Variants in NOS3 observed in about 807,000 individuals in gnomAD.
The protein encoded by NOS3 is nitric oxide synthase 3.
NOS3 carries 98 observed loss-of-function variants against 144.9 expected under a neutral mutation model. That is an observed-to-expected ratio of 0.68 (90% CI 0.57 to 0.80). The LOEUF (loss-of-function observed/expected upper bound fraction) is 0.80. NOS3 is among the 30% of genes least tolerant of loss of function. NOS3 has a pLI of 0.00. For missense variants in NOS3, 1,465 were observed against 1,656.4 expected (o/e 0.88, Z 2.01); for synonymous variants, 714 against 702.4 (o/e 1.02, Z -0.26).
chr7:151,010,558 G>A, intron 21 of NOS3, 39 bp from the exon 22 acceptor site: 2 of 1,512,162 alleles, frequency 1.3e-6, no homozygotes. Flanking sequence ...ACTAGGAAGG[G>A]CTATGGGGCC....
In NOS3 at chr7:151,007,241, G is replaced by A. The variant is rs933891344; in HGVS notation, c.2077G>A (p.Glu693Lys). The change falls in exon 17 of 27, where the codon GAG becomes AAG. Residue 693 changes from glutamate to lysine, a missense_variant. This residue lies in a region of NOS3 where 745 missense variants were observed against 853.9 expected (regional missense o/e 0.87). Coordinates refer to ENST00000297494, the MANE Select transcript of NOS3 (RefSeq NM_000603.5). ...GGGCGACGAGCTGTGCGGCCAGGAG[G>A]AGGCCTTCCGAGGCTGGGCCCAGGC... is the stretch of plus-strand genomic sequence containing the variant. ...GQGDELCGQE[E>K]AFRGWAQAAF... is the part of the protein sequence containing the mutation. 5.6e-6 allele frequency: 9 copies of A among 1,605,364 alleles called. No individual in the cohort carries two copies. Among genetic ancestry groups the A allele is most frequent in the Admixed American group, 1.7e-5 (1 of 59,902 alleles).
chr7:150,993,151 G>A lies in NOS3; in HGVS notation c.-51-602G>A, dbSNP rs1290648854. On this transcript the variant is annotated intron_variant, in intron 1 of 26. Coordinates refer to ENST00000297494, the MANE Select transcript of NOS3 (RefSeq NM_000603.5). This position sits in a 1 kb window ranked among gnomAD's most constrained non-coding sequence, Gnocchi z 4.0. ...GGGGTGTGGGGGTTCCAGGAAATTG[G>A]GGCTGGGAGGGGAAGGGATACCCTA... Among the ~76,000 whole-genome samples, 4 of 152,176 alleles carry A rather than the reference G, an allele frequency of 2.6e-5. No homozygotes were observed. The South Asian group carries it at 6.2e-4, about 24-fold the overall frequency.
rs1379865389 is a variant in NOS3, at chr7:151,010,532, G to T, written c.2686-65G>T. 3.5e-6 allele frequency: 5 copies of T among 1,442,044 alleles called. No individual in the cohort carries two copies. In the Admixed American group the frequency reaches 6.7e-5, roughly 19 times the overall value. 89.3% of individuals were successfully genotyped at this position (1,442,044 alleles called of 1,614,324 possible). On this transcript the variant is annotated intron_variant, in intron 21 of 26. Coordinates refer to ENST00000297494, the MANE Select transcript of NOS3 (RefSeq NM_000603.5). ...CCTAAAGAGGCTCAGTGGGGGAGGG[G>T]TCAAGAAGGGAGGTTACTAGGAAGG... is the stretch of plus-strand genomic sequence containing the variant.
In NOS3 at chr7:150,996,772, C is replaced by T; in HGVS notation, c.429C>T (p.Ser143=). 1 of 1,612,060 alleles carries T rather than the reference C, an allele frequency of 6.2e-7. No homozygotes were observed. Among genetic ancestry groups the T allele is most frequent in the South Asian group, 1.1e-5 (1 of 90,964 alleles). The change falls in exon 5 of 27, where the codon TCC becomes TCT. Residue 143 remains serine (S), a synonymous_variant. Coordinates refer to ENST00000297494, the MANE Select transcript of NOS3 (RefSeq NM_000603.5). The stretch of plus-strand genomic sequence containing the variant: ...CCCCTCTCCTCCCCAGGAGCGGCTC[C>T]CAGGCCCACGAACAGCGGCTTCAAG... ...QYYSSIKRSG[S]QAHEQRLQEV...
intron 5 of NOS3, 29 bp downstream of exon 5, chr7:150,996,954 G>A (rs1363238526): frequency 8.4e-6 from 13 of 1,541,988 alleles, no homozygotes; most frequent in Admixed American, 2.0e-5. Flanking sequence ...TGAGAGACCC[G>A]GGCGCTACCA....
rs1397323639 is a variant in NOS3 at position 151,002,176 on chromosome 7, G to A, written c.1648-24G>A. On this transcript the variant is annotated intron_variant, in intron 13 of 26. Coordinates refer to ENST00000297494, the MANE Select transcript of NOS3 (RefSeq NM_000603.5). This position sits in a 1 kb window ranked among gnomAD's most constrained non-coding sequence, Gnocchi z 4.1. The stretch of plus-strand genomic sequence containing the variant: ...GGGCCTCCGGGGGCCACAGCACCCA[G>A]GACATCTGTCTTCCCACCCACAGGT... The A allele has an allele frequency of 3.3e-6, 5 of 1,536,392 alleles. No individual in the cohort carries two copies.
intron 18 of NOS3, 56 bp from the exon 19 acceptor site, chr7:151,009,133 G>A: frequency 1.2e-6 from 2 of 1,613,244 alleles, no homozygotes; most frequent in Non-Finnish European, 8.5e-7. Context: ...AAGCACTCTG[G>A]GGCCAGGCCC....
Position 151,006,512 on chromosome 7 carries a change from T to C in NOS3, c.1820+18T>C, listed in dbSNP as rs1563226531. ...CAGCACAAGTGAGTTGGGTGAGAGT[T>C]TGGGGGAGCTGGGGGAGCTGATGCA... On this transcript the variant is annotated intron_variant, in intron 15 of 26. Transcript: ENST00000297494. 8 of 1,605,186 alleles carry C rather than the reference T, an allele frequency of 5.0e-6. No homozygotes were observed. The highest frequency in any genetic ancestry group is 6.0e-6 in the Non-Finnish European group (7 of 1,173,810).
chr7:151,010,367 T>C (rs1795278690), intron 21 of NOS3, 80 bp downstream of exon 21: 2 of 1,365,056 alleles, frequency 1.5e-6, no homozygotes, highest in African/African-American at 2.9e-5. Context: ...GAAACCCCCA[T>C]GCAAAGTCCC....
At chr7:150,994,624 C>T (rs780751640) in intron 2 of NOS3, among the ~76,000 whole-genome samples, 17 of 152,146 alleles carry the variant, frequency 1.1e-4, no homozygotes, top group Admixed American at 3.3e-4. Flanking sequence ...GGTGCCAGGC[C>T]GGGGGCAGGC....
rs1253323134 is a variant in NOS3 at position 151,009,418 on chromosome 7, G to A, written c.2345G>A (p.Arg782His). ...SKSTRATILV[R>H]LDTGGQEGLQ... ...CCCAGGAGGGCCACCATCCTGGTGC[G>A]CCTGGACACCGGAGGCCAGGAGGGG... Residue 782 changes from arginine (R) to histidine (H), a missense_variant, in exon 20 of 27, where the codon CGC (arginine) becomes CAC (histidine). Arg to His is a conservative substitution (Grantham distance 29). This residue lies in a region of NOS3 where 745 missense variants were observed against 853.9 expected (regional missense o/e 0.87). Coordinates refer to ENST00000297494, the MANE Select transcript of NOS3 (RefSeq NM_000603.5). 3 of 1,539,964 alleles carry A rather than the reference G, an allele frequency of 1.9e-6. No individual in the cohort carries two copies. Among genetic ancestry groups the A allele is most frequent in the East Asian group, 2.5e-5 (1 of 40,572 alleles).
chr7:151,009,398 G>A lies in NOS3; in HGVS notation c.2325G>A (p.Thr775=), dbSNP rs1407856029. 2.7e-6 allele frequency: 4 copies of A among 1,501,202 alleles called. No homozygotes were observed. In the African/African-American group the frequency reaches 5.9e-5, roughly 22 times the overall value. The allele number at this position is 1,501,202 out of a possible 1,614,324, so 93.0% of individuals were successfully genotyped here. A position where few individuals can be genotyped will look rare whatever the true frequency, so the allele number is the denominator to read the frequency against. The part of the protein sequence containing the change: ...SVENLQSSKS[T]RATILVRLDT... ...TAAGTGCCCCTCTCCCCACCCCCAG[G>A]AGGGCCACCATCCTGGTGCGCCTGG... is the stretch of plus-strand genomic sequence containing the variant. The change falls in exon 20 of 27, where the codon ACG becomes ACA. Residue 775 remains threonine (T), a splice_region_variant and synonymous_variant. Coordinates refer to ENST00000297494, the MANE Select transcript of NOS3 (RefSeq NM_000603.5).
chr7:151,001,965 G>C lies in NOS3; in HGVS notation c.1647G>C (p.Arg549=), dbSNP rs558556558. The C allele has an allele frequency of 5.0e-6, 8 of 1,613,286 alleles. No homozygotes were observed. The highest frequency in any genetic ancestry group is 6.8e-6 in the Non-Finnish European group (8 of 1,180,018). ...GRLFRKAFDP[R]VLCMDEYDVV... is the part of the protein sequence containing the mutation. ...TCTTCCGGAAGGCTTTTGATCCCCG[G>C]GTAGGGCTGAGCCCAGGGGAGCAGG... Residue 549 remains arginine (R), a splice_region_variant and synonymous_variant, in exon 13 of 27, where the codon CGG becomes CGC. Coordinates refer to ENST00000297494, the MANE Select transcript of NOS3 (RefSeq NM_000603.5).
In NOS3 at chr7:150,998,901, G is replaced by A. The variant is rs1481095451; in HGVS notation, c.817-45G>A. On this transcript the variant is annotated intron_variant, in intron 7 of 26. Coordinates refer to ENST00000297494, the MANE Select transcript of NOS3 (RefSeq NM_000603.5). This position sits in a 1 kb window ranked among gnomAD's most constrained non-coding sequence, Gnocchi z 5.0. ...GTGGATGGAGGGGTCCCTGAGGAGGGCATGAGGCTCAGCCCCAGAACCCCC... is the reference window on the plus strand; with the variant it reads ...GTGGATGGAGGGGTCCCTGAGGAGGACATGAGGCTCAGCCCCAGAACCCCC... 1.9e-6 allele frequency: 3 copies of A among 1,582,412 alleles called. No homozygotes were observed. The highest frequency in any genetic ancestry group is 1.7e-6 in the Non-Finnish European group (2 of 1,165,218).
Position 151,014,200 on chromosome 7 carries a change from G to A in NOS3, c.*31G>A. 1 of 1,574,638 alleles carries A rather than the reference G, an allele frequency of 6.4e-7. No homozygotes were observed. The highest frequency in any genetic ancestry group is 1.3e-5 in the African/African-American group (1 of 74,384). On this transcript the variant is annotated 3_prime_UTR_variant, in exon 27 of 27. Transcript: ENST00000297494. The stretch of plus-strand genomic sequence containing the variant: ...GCCTGGCTTTCCCTTCCAGTTCCGG[G>A]AGAGCGGCTGCCCGACTCAGGTCCG...
At chr7:150,996,981 G>A (rs1563213909) in intron 5 of NOS3, 56 bp downstream of exon 5, 30 of 1,515,696 alleles carry the variant, frequency 2.0e-5, no homozygotes, top group Non-Finnish European at 2.7e-5. Context: ...GAGCGGGGTG[G>A]CGGGGCAGTT....
Position 150,998,345 on chromosome 7 carries a change from C to G in NOS3, c.583-12C>G. On this transcript the variant is annotated splice_polypyrimidine_tract_variant and intron_variant, in intron 5 of 26. Coordinates refer to ENST00000297494, the MANE Select transcript of NOS3 (RefSeq NM_000603.5). This position sits in a 1 kb window ranked among gnomAD's most constrained non-coding sequence, Gnocchi z 5.0. Reference sequence around the variant, plus strand: ...TCCTCACCCTCCTCTCCCGCTGCCTCGGCTGGCTCAGGTGTTCGATGCCCG... The same window carrying G: ...TCCTCACCCTCCTCTCCCGCTGCCTGGGCTGGCTCAGGTGTTCGATGCCCG... The G allele has an allele frequency of 6.2e-7, 1 of 1,609,612 alleles. No individual in the cohort carries two copies. Among genetic ancestry groups the G allele is most frequent in the Non-Finnish European group, 8.5e-7 (1 of 1,178,748 alleles).
At position 151,014,067 on chromosome 7, in the gene NOS3, A is replaced by G. The variant is rs1795382271; in HGVS notation, c.3510A>G (p.Thr1170=). Residue 1170 remains threonine, a synonymous_variant, in exon 27 of 27, where the codon ACA becomes ACG. Transcript: ENST00000297494. ...FGLTLRTQEV[T]SRIRTQSFSL... ...TCACGCTGCGCACCCAGGAGGTGAC[A>G]AGCCGCATACGCACCCAGAGCTTTT... The G allele has an allele frequency of 6.2e-7, 1 of 1,613,752 alleles. No individual in the cohort carries two copies. The highest frequency in any genetic ancestry group is 1.3e-5 in the African/African-American group (1 of 74,942).
chr7:151,006,513 TG>T lies in NOS3; in HGVS notation c.1820+24del. The T allele has an allele frequency of 6.3e-7, 1 of 1,575,648 alleles. No individual in the cohort carries two copies. Among genetic ancestry groups the T allele is most frequent in the Non-Finnish European group, 8.7e-7 (1 of 1,148,970 alleles). Reference sequence around the variant, plus strand: ...AGCACAAGTGAGTTGGGTGAGAGTTTGGGGGAGCTGGGGGAGCTGATGCATT... The same window carrying T: ...AGCACAAGTGAGTTGGGTGAGAGTTTGGGGAGCTGGGGGAGCTGATGCATT... On this transcript the variant is annotated intron_variant, in intron 15 of 26. Transcript: ENST00000297494.
Sources: gnomAD v4.1 joint callset for allele counts (sites outside exome capture counted in the v4.1 genomes callset) on GRCh38, gnomAD v4.1.1 for gene constraint, gnomAD v4.1.1 regional missense constraint, Gnocchi (gnomAD v3.1) non-coding constraint, MANE v1.5 for transcripts, NCBI Gene and HGNC (gene_info 2026-07-23, HGNC 2026-07-21) for gene names.